SEM1: variants seen among roughly 807,000 people sequenced by gnomAD.
SEM1 encodes the protein 26S proteasome complex subunit SEM1.
In SEM1, 3 loss-of-function variants were observed where a neutral mutation model predicts 12.7. The ratio of observed to expected loss-of-function variants is 0.24; its 90% confidence interval spans 0.11 to 0.61. SEM1 has a LOEUF of 0.61. Ranked by LOEUF, SEM1 falls within the 20% of genes least tolerant of loss-of-function variation. The pLI, the probability that SEM1 is intolerant of heterozygous loss-of-function variation, is 0.88. For synonymous variants in SEM1, 30 were observed against 27.8 expected (o/e 1.08, Z -0.25); for missense variants, 59 against 81.3 (o/e 0.73, Z 1.06).
intron 2 of SEM1, among the ~76,000 whole-genome samples, chr7:96,535,090 G>A (rs1804748110): frequency 1.3e-5 from 2 of 151,962 alleles, no homozygotes; most frequent in Admixed American, 1.3e-4. Flanking sequence ...TCATAAGTTA[G>A]ACATTACTTC....
chr7:96,691,279 G>GT (rs1789924701), intron 2 of SEM1, among the ~76,000 whole-genome samples: 1 of 152,206 alleles, frequency 6.6e-6, no homozygotes, highest in South Asian at 2.1e-4. Context: ...AATGTGGAAA[G>GT]TGGGGGGCCT....
intron 2 of SEM1, among the ~76,000 whole-genome samples, chr7:96,564,018 T>A (rs1805771451): frequency 6.6e-6 from 1 of 152,148 alleles, no homozygotes; most frequent in African/African-American, 2.4e-5. Flanking sequence ...CAGTCCTCTT[T>A]TTCTAGTGTC....
intron 2 of SEM1, among the ~76,000 whole-genome samples, chr7:96,517,626 A>G (rs991856992): frequency 3.3e-5 from 5 of 152,134 alleles, no homozygotes; most frequent in African/African-American, 1.2e-4. Flanking sequence ...GCCTATTTAC[A>G]TACTTTGCTG....
At position 96,691,626 on chromosome 7, in the gene SEM1, C is replaced by T. The variant is rs1277276943; in HGVS notation, c.171-2660G>A. On this transcript the variant is annotated intron_variant, in intron 2 of 2. Coordinates refer to ENST00000248566, the MANE Select transcript of SEM1 (RefSeq NM_006304.2). Reference sequence around the variant, plus strand: ...CTTATGATATTATGTTAAGGGTTTCCATGTACTTTACAGAAAAGACTAGGA... The same window carrying T: ...CTTATGATATTATGTTAAGGGTTTCTATGTACTTTACAGAAAAGACTAGGA... Among the ~76,000 whole-genome samples, 5 of 152,210 alleles carry T rather than the reference C, an allele frequency of 3.3e-5. No homozygotes were observed. In the East Asian group the frequency reaches 5.8e-4, roughly 18 times the overall value.
intron 1 of SEM1, among the ~76,000 whole-genome samples, chr7:96,491,692 G>T (rs924067107): frequency 1.3e-5 from 2 of 152,160 alleles, no homozygotes; most frequent in Non-Finnish European, 2.9e-5. Flanking sequence ...CATGAGCGAG[G>T]CATATCTTTG....
intron 2 of SEM1, among the ~76,000 whole-genome samples, chr7:96,576,117 A>G (rs1028381103): frequency 6.6e-6 from 1 of 152,188 alleles, no homozygotes; most frequent in Non-Finnish European, 1.5e-5. Context: ...TTTGCTGTGA[A>G]TTCAATCTTG....
chr7:96,608,499 G>T (rs902449162), intron 2 of SEM1, among the ~76,000 whole-genome samples: 4 of 151,998 alleles, frequency 2.6e-5, no homozygotes, highest in African/African-American at 9.7e-5. Context: ...TTACAAGGTT[G>T]CATAACCATT....
At chr7:96,514,462 A>G (rs1804028057) in intron 2 of SEM1, among the ~76,000 whole-genome samples, 1 of 152,146 alleles carries the variant, frequency 6.6e-6, no homozygotes, top group Non-Finnish European at 1.5e-5. Context: ...CAGATGGGAA[A>G]GAAGAAATAA....
intron 2 of SEM1, among the ~76,000 whole-genome samples, chr7:96,570,707 G>A (rs1805995364): frequency 6.6e-6 from 1 of 152,086 alleles, no homozygotes; most frequent in Non-Finnish European, 1.5e-5. Context: ...AATCCTTTGG[G>A]TATATACCCA....
chr7:96,512,842 T>A (rs959123507), intron 2 of SEM1, among the ~76,000 whole-genome samples: 2 of 152,030 alleles, frequency 1.3e-5, no homozygotes, highest in Admixed American at 6.6e-5. Flanking sequence ...CTGCTCACAT[T>A]TTGATATTTA....
intron 2 of SEM1, among the ~76,000 whole-genome samples, chr7:96,629,603 G>T (rs1347437686): frequency 1.3e-5 from 2 of 151,966 alleles, no homozygotes; most frequent in Non-Finnish European, 2.9e-5. Flanking sequence ...TGTCTGAAAG[G>T]TCACATATCC....
chr7:96,505,884 G>A (rs1803740594), intron 3 of SEM1, among the ~76,000 whole-genome samples: 2 of 152,124 alleles, frequency 1.3e-5, no homozygotes, highest in African/African-American at 4.8e-5. Flanking sequence ...CAAACATTGA[G>A]ACCATAGCAG....
rs971936883 is a variant in SEM1, at chr7:96,580,076, G to A, written c.171-73378C>T. On this transcript the variant is annotated intron_variant and NMD_transcript_variant, in intron 2 of 3. Coordinates refer to the SEM1 transcript ENST00000466986. ...GCTGGTGCGCTGCACCCACTAACTC[G>A]TCATCTAGCATTAGGTATATCTCCC... Among the ~76,000 whole-genome samples, 781 of 146,854 alleles carry A rather than the reference G, an allele frequency of 5.3e-3. 3 individuals are homozygous for A. The highest frequency in any genetic ancestry group is 8.3e-3 in the Non-Finnish European group (552 of 66,602).
intron 2 of SEM1, among the ~76,000 whole-genome samples, chr7:96,590,742 G>A (rs993118938): frequency 1.3e-5 from 2 of 152,200 alleles, no homozygotes; most frequent in African/African-American, 4.8e-5. Context: ...TGAGCATGCA[G>A]TCTTGTCATC....
intron 2 of SEM1, among the ~76,000 whole-genome samples, chr7:96,514,210 G>A (rs73390919): frequency 0.027 from 4,074 of 152,006 alleles, 90 homozygotes; most frequent in East Asian, 0.073. Context: ...AAAAATTGTC[G>A]AATTGTTCTT....
chr7:96,639,986 A>C (rs28816074), intron 2 of SEM1, among the ~76,000 whole-genome samples: 2,181 of 152,076 alleles, frequency 0.014, 56 homozygotes, highest in African/African-American at 0.05. Flanking sequence ...ATATATCGTC[A>C]AATAAATGCA....
chr7:96,663,634 T>C (rs1489246955), intron 2 of SEM1, among the ~76,000 whole-genome samples: 4 of 152,166 alleles, frequency 2.6e-5, no homozygotes, highest in Non-Finnish European at 5.9e-5. Context: ...CCCAAAGGTG[T>C]GGCTAATGAA....
At chr7:96,616,622 C>T (rs1807730003) in intron 2 of SEM1, among the ~76,000 whole-genome samples, 1 of 151,884 alleles carries the variant, frequency 6.6e-6, no homozygotes, top group Non-Finnish European at 1.5e-5. Flanking sequence ...AATTCTTTAC[C>T]TAGGCAATGT....
At chr7:96,698,472 G>T (rs1782391806) in intron 1 of SEM1, among the ~76,000 whole-genome samples, 1 of 152,006 alleles carries the variant, frequency 6.6e-6, no homozygotes, top group African/African-American at 2.4e-5. Context: ...TCTACTATGT[G>T]TTCTCATTGT....
Sources: allele counts gnomAD v4.1 joint callset (sites outside exome capture counted in the v4.1 genomes callset), GRCh38; gene constraint gnomAD v4.1.1; transcripts MANE v1.5; gene names NCBI Gene and HGNC (gene_info 2026-07-23, HGNC 2026-07-21).